The following RIMS2 variants were observed in gnomAD, a reference collection of about 807,000 sequenced individuals.
The protein encoded by RIMS2 is regulating synaptic membrane exocytosis 2.
A neutral mutation model predicts 174.4 loss-of-function variants in RIMS2; 59 were observed. That is an observed-to-expected ratio of 0.34 (90% CI 0.27 to 0.42). RIMS2 has a LOEUF of 0.42. Ranked by LOEUF, RIMS2 falls within the 10% of genes least tolerant of loss-of-function variation. The probability of loss-of-function intolerance (pLI) is 1.00; values close to 1 mark genes in which losing one functional copy is unlikely to be tolerated. For missense variants in RIMS2, 1,620 were observed against 1,666.3 expected (o/e 0.97, Z 0.48); for synonymous variants, 606 against 572.5 (o/e 1.06, Z -0.84).
intron 3 of RIMS2, among the ~76,000 whole-genome samples, chr8:103,805,889 T>G (rs1240171283): frequency 6.6e-6 from 1 of 152,106 alleles, no homozygotes; most frequent in Non-Finnish European, 1.5e-5. Context: ...ATTAATAAAT[T>G]TTAGTTACAT....
chr8:103,503,945 A>G (rs935007568), intron 1 of RIMS2, among the ~76,000 whole-genome samples: 15 of 152,070 alleles, frequency 9.9e-5, no homozygotes, highest in Admixed American at 6.5e-5. Flanking sequence ...AATTATTAGT[A>G]ATTTCCTCAA....
In RIMS2 at chr8:103,910,365, T is replaced by C. The variant is rs1359906840; in HGVS notation, c.1692+164T>C. 5 of 1,599,056 alleles carry C rather than the reference T, an allele frequency of 3.1e-6. No homozygotes were observed. The African/African-American group carries it at 4.0e-5, about 13-fold the overall frequency. ...AAGAAAAACTAGTGAGCAGGCAGTT[T>C]TGTCGGACTCTAACACCAGGTCTGA... On this transcript the variant is annotated intron_variant, in intron 5 of 23. Transcript: ENST00000504942.
chr8:104,111,820 C>T (rs2098189565), intron 19 of RIMS2, among the ~76,000 whole-genome samples: 1 of 152,162 alleles, frequency 6.6e-6, no homozygotes, highest in Non-Finnish European at 1.5e-5. Context: ...GTCATATATA[C>T]ATGTGTGCAT....
At chr8:104,223,374 C>G (rs2099165316) in intron 19 of RIMS2, 1 of 1,212,708 alleles carries the variant, frequency 8.2e-7, no homozygotes, top group African/African-American at 1.6e-5. Context: ...AGCTCCCTCC[C>G]GGGCGAGACC....
intron 1 of RIMS2, among the ~76,000 whole-genome samples, chr8:103,653,129 A>G (rs796393458): frequency 5.9e-5 from 9 of 152,294 alleles, no homozygotes; most frequent in African/African-American, 2.2e-4. Flanking sequence ...TATTATAATT[A>G]TTCTGAGAAC....
chr8:103,548,161 A>G (rs1032927295), intron 1 of RIMS2, among the ~76,000 whole-genome samples: 17 of 152,292 alleles, frequency 1.1e-4, no homozygotes, highest in African/African-American at 2.9e-4. Flanking sequence ...AACTCATTCT[A>G]TGAGGCCAGT....
downstream of RIMS2, chr8:104,251,865 A>AG: frequency 8.6e-7 from 1 of 1,159,904 alleles, no homozygotes. Context: ...GTTACAAAAA[A>AG]AAAAAAAAAA....
chr8:103,696,960 A>G (rs898565142), intron 1 of RIMS2, 126 bp from the exon 4 acceptor site: 1 of 630,854 alleles, frequency 1.6e-6, no homozygotes, highest in Admixed American at 2.9e-5. Flanking sequence ...AGAAAATTAA[A>G]TTTTCATTCT....
At chr8:104,206,269 T>G (rs1257121754) in intron 19 of RIMS2, among the ~76,000 whole-genome samples, 1 of 152,206 alleles carries the variant, frequency 6.6e-6, no homozygotes, top group South Asian at 2.1e-4. Context: ...ATATGAAAGT[T>G]GAAAAGGGAT....
intron 19 of RIMS2, among the ~76,000 whole-genome samples, chr8:104,119,175 T>G (rs2098332602): frequency 6.8e-6 from 1 of 147,568 alleles, no homozygotes; most frequent in African/African-American, 2.5e-5. Flanking sequence ...GTAAACCCCG[T>G]CTCTACTTAA....
At chr8:104,106,765 A>G (rs150672724) in intron 19 of RIMS2, among the ~76,000 whole-genome samples, 1 of 152,198 alleles carries the variant, frequency 6.6e-6, no homozygotes, top group African/African-American at 2.4e-5. Context: ...TATAGCTGTT[A>G]TTCAAACTAA....
chr8:104,223,412 C>T (rs573287878), intron 19 of RIMS2: 10 of 1,275,990 alleles, frequency 7.8e-6, no homozygotes, highest in Middle Eastern at 3.0e-4. Context: ...GCAGCCGCTC[C>T]GCCCGCCACC....
At chr8:103,561,644 T>C (rs755237055) in intron 1 of RIMS2, among the ~76,000 whole-genome samples, 5 of 152,238 alleles carry the variant, frequency 3.3e-5, no homozygotes, top group African/African-American at 4.8e-5. Flanking sequence ...GTTCCTATTA[T>C]ATCTTGAGTT....
intron 1 of RIMS2, 50 bp from the exon 4 acceptor site, chr8:103,697,036 T>G: frequency 8.8e-7 from 1 of 1,139,202 alleles, no homozygotes; most frequent in African/African-American, 1.5e-5. Context: ...AATTTTTCCT[T>G]TAGAGATCAT....
At chr8:103,737,674 T>C (rs908883368) in intron 2 of RIMS2, among the ~76,000 whole-genome samples, 1 of 152,172 alleles carries the variant, frequency 6.6e-6, no homozygotes, top group African/African-American at 2.4e-5. Flanking sequence ...CTTTCTAACA[T>C]CTCATACCAT....
intron 9 of RIMS2, 172 bp downstream of exon 12, chr8:103,918,659 C>A: frequency 4.9e-5 from 28 of 574,950 alleles, no homozygotes; most frequent in Middle Eastern, 4.6e-4. Flanking sequence ...GTGGGAAAAA[C>A]AAAAATGTAG....
At chr8:103,714,422 G>A (rs1362908607) in intron 2 of RIMS2, among the ~76,000 whole-genome samples, 1 of 152,142 alleles carries the variant, frequency 6.6e-6, no homozygotes, top group Admixed American at 6.6e-5. Context: ...TATTGTAGTG[G>A]TGTGAAAGAG....
intron 19 of RIMS2, among the ~76,000 whole-genome samples, chr8:104,145,084 A>G (rs2098622667): frequency 6.6e-6 from 1 of 152,014 alleles, no homozygotes; most frequent in South Asian, 2.1e-4. Flanking sequence ...TTAAACATCC[A>G]CTGTTGTTGG....
At chr8:103,572,643 TCCA>T (rs2092918567) in intron 1 of RIMS2, among the ~76,000 whole-genome samples, 1 of 152,192 alleles carries the variant, frequency 6.6e-6, no homozygotes, top group South Asian at 2.1e-4. Flanking sequence ...TTTGCGTTTC[TCCA>T]ATGATTAGTG....
Sources: allele counts gnomAD v4.1 joint callset (sites outside exome capture counted in the v4.1 genomes callset), GRCh38; gene constraint gnomAD v4.1.1; transcripts MANE v1.5; gene names NCBI Gene and HGNC (gene_info 2026-07-23, HGNC 2026-07-21).